Variants in OPRL1 observed in about 807,000 individuals in gnomAD.
The protein encoded by OPRL1 is nociceptin receptor.
A neutral mutation model predicts 15.5 loss-of-function variants in OPRL1; 5 were observed. That is an observed-to-expected ratio of 0.32 (90% CI 0.17 to 0.68). The LOEUF is 0.68. OPRL1 is among the 30% of genes least tolerant of loss of function. The pLI is 0.72. For missense variants in OPRL1, 406 were observed against 515.3 expected, an observed-to-expected ratio of 0.79 and a Z score of 2.05; for synonymous variants, 223 against 230.2, an observed-to-expected ratio of 0.97 and a Z score of 0.28.
rs1028041636 is a variant in OPRL1, at chr20:64,100,059, C to G, written c.*1260C>G. ...GAGGGGTGGGGCCTGGCAGGGCTTG[C>G]TTGAGCCAAACTGCAAAGGCTGTGG... On this transcript the variant is annotated 3_prime_UTR_variant, in exon 5 of 5. Coordinates refer to ENST00000336866, the MANE Select transcript of OPRL1 (RefSeq NM_182647.4). 5.4e-5 allele frequency: 8 copies of G among 148,110 alleles called. No homozygotes were observed. The highest frequency in any genetic ancestry group is 1.0e-4 in the Non-Finnish European group (7 of 67,678). 9.2% of individuals were successfully genotyped at this position (148,110 alleles called of 1,614,324 possible).
chr20:64,096,332 G>A (rs986191380), intron 3 of OPRL1, among the ~76,000 whole-genome samples: 3 of 152,102 alleles, frequency 2.0e-5, no homozygotes, highest in Non-Finnish European at 2.9e-5. Context: ...AGTGGGCTGG[G>A]GTGACCATCT....
rs1431967624 is a variant in OPRL1, at chr20:64,083,683, A to T, written c.-185+3331A>T. ...GGCGCGCGCGGACTTCTGCCGCTGG[A>T]TGAGCAGCGCGATCTCCTCGGCCTG... On this transcript the variant is annotated intron_variant, in intron 1 of 4. Coordinates refer to ENST00000336866, the MANE Select transcript of OPRL1 (RefSeq NM_182647.4). The surrounding 1 kb of genome is among the most constrained non-coding windows in gnomAD (Gnocchi z 4.9). 2.1e-6 allele frequency: 3 copies of T among 1,422,146 alleles called. No individual in the cohort carries two copies. In the South Asian group the frequency reaches 4.4e-5, roughly 21 times the overall value. The allele number at this position is 1,422,146 out of a possible 1,614,324, so 88.1% of individuals were successfully genotyped here. A position where few individuals can be genotyped will look rare whatever the true frequency, so the allele number is the denominator to read the frequency against.
chr20:64,097,052 T>TCCTCACTATCACCACCACCAC lies in OPRL1; in HGVS notation c.234-749_234-748insCTCACTATCACCACCACCACC, dbSNP rs1569278791. 1.9e-5 allele frequency among the ~76,000 whole-genome samples: 2 copies of TCCTCACTATCACCACCACCAC among 103,552 alleles called. No homozygotes were observed. Among genetic ancestry groups the TCCTCACTATCACCACCACCAC allele is most frequent in the Non-Finnish European group, 2.4e-5 (1 of 42,322 alleles). The allele number at this position is 103,552 out of a possible 152,430, so 67.9% of individuals were successfully genotyped here. A position where few individuals can be genotyped will look rare whatever the true frequency, so the allele number is the denominator to read the frequency against. ...ATCACAGTCATCACCATCATCACCA[T>TCCTCACTATCACCACCACCAC]CATCATCATCACCACTACCATCACG... On this transcript the variant is annotated intron_variant, in intron 3 of 4. Coordinates refer to ENST00000336866, the MANE Select transcript of OPRL1 (RefSeq NM_182647.4). The surrounding 1 kb of genome is among the most constrained non-coding windows in gnomAD (Gnocchi z 4.2).
intron 3 of OPRL1, among the ~76,000 whole-genome samples, chr20:64,093,314 A>G (rs1978420490): frequency 6.7e-6 from 1 of 149,566 alleles, no homozygotes; most frequent in Admixed American, 6.6e-5. Context: ...CATTCCCTAG[A>G]TGGGCGAAGG....
In OPRL1 at chr20:64,092,883, G is replaced by A. The variant is rs779277717; in HGVS notation, c.163G>A (p.Val55Met). 27 of 1,612,634 alleles carry A rather than the reference G, an allele frequency of 1.7e-5. No individual in the cohort carries two copies. Among genetic ancestry groups the A allele is most frequent in the Non-Finnish European group, 2.3e-5 (27 of 1,179,932 alleles). Residue 55 changes from valine to methionine, a missense_variant, in exon 3 of 5, where the codon GTG (valine) becomes ATG (methionine). Val to Met is a conservative substitution (Grantham distance 21). Transcript: ENST00000336866. ...GCCCCTCGGGCTCAAGGTCACCATC[G>A]TGGGGCTCTACCTGGCCGTGTGTGT... ...FLPLGLKVTI[V>M]GLYLAVCVGG... is the part of the protein sequence containing the mutation.
intron 2 of OPRL1, among the ~76,000 whole-genome samples, chr20:64,092,372 G>A (rs1289894739): frequency 1.3e-5 from 2 of 152,206 alleles, no homozygotes; most frequent in Admixed American, 6.5e-5. Flanking sequence ...GGGTGGACAC[G>A]TGTCCTGGGG....
At position 64,088,141 on chromosome 20, in the gene OPRL1, G is replaced by A. The variant is rs115066680; in HGVS notation, c.-184-3825G>A. Among the ~76,000 whole-genome samples the A allele has an allele frequency of 2.0e-3, 300 of 152,348 alleles. 2 individuals are homozygous for A. Among genetic ancestry groups the A allele is most frequent in the African/African-American group, 5.1e-3 (210 of 41,574 alleles). The stretch of plus-strand genomic sequence containing the variant: ...AGCTCACAGGCCTAGCCTGGCAGCC[G>A]TATTACTGAATAATGGCCAAGTTAG... On this transcript the variant is annotated intron_variant, in intron 1 of 4. Coordinates refer to ENST00000336866, the MANE Select transcript of OPRL1 (RefSeq NM_182647.4).
chr20:64,083,942 G>T lies in OPRL1; in HGVS notation c.-185+3590G>T. 6.9e-7 allele frequency: 1 copy of T among 1,457,982 alleles called. No individual in the cohort carries two copies. The highest frequency in any genetic ancestry group is 9.0e-7 in the Non-Finnish European group (1 of 1,110,476). The allele number at this position is 1,457,982 out of a possible 1,614,324, so 90.3% of individuals were successfully genotyped here. A position where few individuals can be genotyped will look rare whatever the true frequency, so the allele number is the denominator to read the frequency against. ...CTCGAGCGACTGCGTCCACGGGCGCGGGTCGGGCATGCGGTACCCCGGTTC... is the reference window on the plus strand; with the variant it reads ...CTCGAGCGACTGCGTCCACGGGCGCTGGTCGGGCATGCGGTACCCCGGTTC... On this transcript the variant is annotated intron_variant, in intron 1 of 4. Coordinates refer to ENST00000336866, the MANE Select transcript of OPRL1 (RefSeq NM_182647.4). The surrounding 1 kb of genome is among the most constrained non-coding windows in gnomAD (Gnocchi z 4.9).
intron 3 of OPRL1, among the ~76,000 whole-genome samples, chr20:64,093,248 T>G (rs1978411714): frequency 1.3e-5 from 2 of 151,444 alleles, no homozygotes; most frequent in African/African-American, 4.8e-5. Flanking sequence ...TCAAGCTGTC[T>G]GCTTGAATGA....
chr20:64,087,170 G>C (rs111495081), intron 1 of OPRL1, among the ~76,000 whole-genome samples: 207 of 119,420 alleles, frequency 1.7e-3, no homozygotes, highest in Middle Eastern at 4.9e-3. Flanking sequence ...TCGCACACAA[G>C]CTCTGTGCTG....
At chr20:64,088,393 A>T (rs2060073802) in intron 1 of OPRL1, among the ~76,000 whole-genome samples, 1 of 151,772 alleles carries the variant, frequency 6.6e-6, no homozygotes, top group Admixed American at 6.6e-5. Flanking sequence ...TGGGGCCAGG[A>T]TCTGTGCAGT....
intron 1 of OPRL1, chr20:64,084,184 G>T: frequency 6.9e-7 from 1 of 1,446,774 alleles, no homozygotes; most frequent in African/African-American, 1.5e-5. Flanking sequence ...GCTCCCGCGG[G>T]CCCTTGCGCC....
chr20:64,080,461 G>C (rs1258473414), intron 1 of OPRL1, 109 bp downstream of exon 1: 4 of 152,430 alleles, frequency 2.6e-5, no homozygotes, highest in African/African-American at 7.2e-5. Flanking sequence ...GGAGATTCCT[G>C]TGCTGCGGGG....
Position 64,090,567 on chromosome 20 carries a change from G to C in OPRL1, c.-184-1399G>C, listed in dbSNP as rs920764129. 6.6e-6 allele frequency among the ~76,000 whole-genome samples: 1 copy of C among 152,192 alleles called. No homozygotes were observed. The highest frequency in any genetic ancestry group is 1.5e-5 in the Non-Finnish European group (1 of 68,020). On this transcript the variant is annotated intron_variant, in intron 1 of 4. Transcript: ENST00000336866. The surrounding 1 kb of genome is among the most constrained non-coding windows in gnomAD (Gnocchi z 4.9). ...GTGCAGGAAGTACAACCCCATGACC[G>C]GGAGGGAGCTGGTGATTCAGCTCAG...
chr20:64,098,424 C>T lies in OPRL1; in HGVS notation c.738C>T (p.Arg246=). 6.2e-7 allele frequency: 1 copy of T among 1,613,576 alleles called. No homozygotes were observed. The highest frequency in any genetic ancestry group is 8.5e-7 in the Non-Finnish European group (1 of 1,180,008). Residue 246 remains arginine, a synonymous_variant, in exon 5 of 5, where the codon CGC becomes CGT. Transcript: ENST00000336866. ...TGATCCGGCGGCTCCGTGGAGTCCG[C>T]CTGCTCTCGGGCTCCCGAGAGAAGG... is the stretch of plus-strand genomic sequence containing the variant. The part of the protein sequence containing the change: ...SLMIRRLRGV[R]LLSGSREKDR...
intron 1 of OPRL1, among the ~76,000 whole-genome samples, chr20:64,085,351 C>G (rs1164508174): frequency 6.6e-6 from 1 of 152,120 alleles, no homozygotes; most frequent in Non-Finnish European, 1.5e-5. Context: ...GATAATGGGG[C>G]AGAACTCAGG....
rs551071879 is a variant in OPRL1, at chr20:64,089,875, G to T, written c.-184-2091G>T. 6.6e-6 allele frequency among the ~76,000 whole-genome samples: 1 copy of T among 152,208 alleles called. No homozygotes were observed. The highest frequency in any genetic ancestry group is 1.9e-4 in the East Asian group (1 of 5,186). ...AGGCTCAGGAAGCTCGGGTAGGAGG[G>T]TCTAGGGTCTCCTGCTCAGACGTTG... On this transcript the variant is annotated intron_variant, in intron 1 of 4. Coordinates refer to ENST00000336866, the MANE Select transcript of OPRL1 (RefSeq NM_182647.4). The surrounding 1 kb of genome is among the most constrained non-coding windows in gnomAD (Gnocchi z 5.5).
rs555160807 is a variant in OPRL1, at chr20:64,091,665, G to A, written c.-184-301G>A. Among the ~76,000 whole-genome samples, 7 of 152,274 alleles carry A rather than the reference G, an allele frequency of 4.6e-5. No individual in the cohort carries two copies. In the South Asian group the frequency reaches 1.5e-3, roughly 32 times the overall value. ...AGGCTGTGTCTCCGTGTGAGTCGTG[G>A]TCCCCGTGTCTGTGTGTCCTTGTGT... On this transcript the variant is annotated intron_variant, in intron 1 of 4. Transcript: ENST00000336866.
intron 3 of OPRL1, among the ~76,000 whole-genome samples, chr20:64,095,349 G>A (rs1404482782): frequency 3.3e-5 from 4 of 122,186 alleles, no homozygotes; most frequent in African/African-American, 1.3e-4. Flanking sequence ...GATAGTCGGG[G>A]GGGAGCCGGG....
Sources: allele counts gnomAD v4.1 joint callset (sites outside exome capture counted in the v4.1 genomes callset), GRCh38; gene constraint gnomAD v4.1.1; non-coding constraint Gnocchi (gnomAD v3.1); transcripts MANE v1.5; gene names NCBI Gene and HGNC (gene_info 2026-07-23, HGNC 2026-07-21).